Variants in ATP7A observed in about 807,000 individuals in gnomAD.
The protein encoded by ATP7A is copper-transporting ATPase 1.
In ATP7A, 7 loss-of-function variants were observed where a neutral mutation model predicts 83.5. That is an observed-to-expected ratio of 0.08 (90% CI 0.05 to 0.16). ATP7A has a LOEUF of 0.16. Ranked by LOEUF, ATP7A falls within the 10% of genes least tolerant of loss-of-function variation. The pLI is 1.00. For synonymous variants in ATP7A, 354 were observed against 395.2 expected (o/e 0.90, Z 1.24); for missense variants, 940 against 1,120.8 (o/e 0.84, Z 2.30).
chrX:77,993,593 A>G (rs1441858778), intron 4 of ATP7A, among the ~76,000 whole-genome samples: 3 of 111,794 alleles, frequency 2.7e-5, no homozygotes, highest in African/African-American at 9.7e-5. Flanking sequence ...TCGATCAACA[A>G]TGGACCACAT....
chrX:78,044,917 G>T (rs113494336), intron 21 of ATP7A, among the ~76,000 whole-genome samples: 27,993 of 110,812 alleles, frequency 0.25, 2,692 homozygotes, highest in South Asian at 0.35. Flanking sequence ...AAGAACAAAA[G>T]AACAATCTAA....
chrX:78,042,608 T>C lies in ATP7A; in HGVS notation c.3825T>C (p.Ala1275=). ...ASQVGITKVF[A]EVLPSHKVAK... ...AGGTTGGCATTACTAAGGTGTTTGC[T>C]GAAGTTCTACCTTCTCACAAGGTTG... is the stretch of plus-strand genomic sequence containing the variant. The change falls in exon 20 of 23, where the codon GCT becomes GCC. Residue 1275 remains alanine, a synonymous_variant. Coordinates refer to ENST00000341514, the MANE Select transcript of ATP7A (RefSeq NM_000052.7). 1 of 1,212,108 alleles carries C rather than the reference T, an allele frequency of 8.3e-7. No homozygotes were observed. Among genetic ancestry groups the C allele is most frequent in the Non-Finnish European group, 1.1e-6 (1 of 895,534 alleles).
chrX:77,961,693 G>A (rs149723424), intron 1 of ATP7A, among the ~76,000 whole-genome samples: 1 of 110,860 alleles, frequency 9.0e-6, no homozygotes, highest in Non-Finnish European at 1.9e-5. Context: ...TTATACCCTT[G>A]TACTGCTTCC....
intron 1 of ATP7A, among the ~76,000 whole-genome samples, chrX:77,951,083 C>T (rs2077411418): frequency 8.9e-6 from 1 of 111,922 alleles, no homozygotes; most frequent in African/African-American, 3.2e-5. Flanking sequence ...AGTATGTTCA[C>T]AGACTTGTGC....
chrX:78,020,882 C>T (rs1213515790), intron 13 of ATP7A, 63 bp from the exon 14 acceptor site: 20 of 1,069,162 alleles, frequency 1.9e-5, no homozygotes, highest in Non-Finnish European at 2.3e-5. Flanking sequence ...ACTCTGCATT[C>T]AGTATCAGAA....
chrX:77,931,057 G>T (rs1195962968), intron 1 of ATP7A, among the ~76,000 whole-genome samples: 1 of 86,079 alleles, frequency 1.2e-5, no homozygotes, highest in Non-Finnish European at 2.1e-5. Flanking sequence ...GGTGTTTCTC[G>T]CAGAGGGGGA....
At chrX:77,961,961 C>A (rs1399601378) in intron 1 of ATP7A, among the ~76,000 whole-genome samples, 1 of 111,886 alleles carries the variant, frequency 8.9e-6, no homozygotes, top group Non-Finnish European at 1.9e-5. Context: ...AACTGACCTT[C>A]AAAAAGTCAC....
At chrX:78,041,395 C>T (rs2078047411) in intron 19 of ATP7A, among the ~76,000 whole-genome samples, 1 of 109,667 alleles carries the variant, frequency 9.1e-6, no homozygotes, top group Non-Finnish European at 1.9e-5. Flanking sequence ...CTTGCCTCAG[C>T]CTCCCGAGTA....
At chrX:78,043,190 G>A in intron 20 of ATP7A, 127 bp from the exon 21 acceptor site, 2 of 592,440 alleles carry the variant, frequency 3.4e-6, no homozygotes, top group Non-Finnish European at 5.5e-6. Flanking sequence ...AGCATTATCT[G>A]AGATTTGTAA....
chrX:78,008,684 T>A (rs2077794610), intron 6 of ATP7A, among the ~76,000 whole-genome samples: 1 of 111,034 alleles, frequency 9.0e-6, no homozygotes, highest in African/African-American at 3.3e-5. Flanking sequence ...AAAAATGGTA[T>A]CCTAATGATC....
Position 78,046,774 on chromosome X carries a change from C to T in ATP7A, c.*204C>T, listed in dbSNP as rs2078085968. ...CCTAGCTTTATTTAAACTGAATTTC[C>T]AGTATATTTTTGTTTTCACTAACAA... On this transcript the variant is annotated 3_prime_UTR_variant, in exon 23 of 23. Transcript: ENST00000341514. 1 of 503,625 alleles carries T rather than the reference C, an allele frequency of 2.0e-6. No individual in the cohort carries two copies. The highest frequency in any genetic ancestry group is 3.2e-6 in the Non-Finnish European group (1 of 311,560). 41.5% of individuals were successfully genotyped at this position (503,625 alleles called of 1,213,427 possible). A position where few individuals can be genotyped will look rare whatever the true frequency, so the allele number is the denominator to read the frequency against.
At chrX:78,022,074 CT>C in intron 14 of ATP7A, among the ~76,000 whole-genome samples, 1 of 111,824 alleles carries the variant, frequency 8.9e-6, no homozygotes, top group South Asian at 3.7e-4. Flanking sequence ...AGGACTCAAT[CT>C]CATTTTGTTG....
chrX:78,026,250 T>C (rs2077942512), intron 14 of ATP7A, among the ~76,000 whole-genome samples: 1 of 111,610 alleles, frequency 9.0e-6, no homozygotes, highest in Non-Finnish European at 1.9e-5. Context: ...AGATCTATCA[T>C]GCAAATGGAA....
At chrX:78,026,539 A>C (rs909534275) in intron 14 of ATP7A, among the ~76,000 whole-genome samples, 9 of 111,885 alleles carry the variant, frequency 8.0e-5, no homozygotes, top group Admixed American at 9.5e-5. Flanking sequence ...AAGGACAAAA[A>C]TTAGCAAAGA....
At chrX:78,005,774 A>G (rs1557233706) in intron 6 of ATP7A, among the ~76,000 whole-genome samples, 1 of 110,480 alleles carries the variant, frequency 9.1e-6, no homozygotes, top group Non-Finnish European at 1.9e-5. Flanking sequence ...TACAAAACCA[A>G]TAAAAGAAAA....
At chrX:77,945,262 C>T (rs782242305) in intron 1 of ATP7A, among the ~76,000 whole-genome samples, 1 of 112,078 alleles carries the variant, frequency 8.9e-6, no homozygotes, top group African/African-American at 3.2e-5. Flanking sequence ...ACTGCAACCA[C>T]TGCCTGCCTG....
intron 4 of ATP7A, among the ~76,000 whole-genome samples, chrX:77,997,577 C>T (rs1401817910): frequency 2.7e-5 from 3 of 109,652 alleles, no homozygotes; most frequent in South Asian, 3.9e-4. Context: ...CTCTTTTCTT[C>T]CTTTTCTCTA....
At chrX:77,956,787 C>CTTTCTTTCTT (rs782692681) in intron 1 of ATP7A, among the ~76,000 whole-genome samples, 2 of 53,775 alleles carry the variant, frequency 3.7e-5, no homozygotes, top group African/African-American at 1.4e-4. Flanking sequence ...TTCTTTCTTT[C>CTTTCTTTCTT]TCTTTCTTTC....
intron 4 of ATP7A, among the ~76,000 whole-genome samples, chrX:77,994,931 A>G (rs1330016153): frequency 8.9e-6 from 1 of 111,924 alleles, no homozygotes; most frequent in Non-Finnish European, 1.9e-5. Flanking sequence ...ATCAGGAGCC[A>G]GTTATATGCC....
Sources: gnomAD v4.1 joint callset for allele counts (sites outside exome capture counted in the v4.1 genomes callset) on GRCh38, gnomAD v4.1.1 for gene constraint, MANE v1.5 for transcripts, NCBI Gene and HGNC (gene_info 2026-07-23, HGNC 2026-07-21) for gene names.